The following EPS8 variants were observed in gnomAD, a reference collection of about 807,000 sequenced individuals.
EPS8 encodes epidermal growth factor receptor kinase substrate 8.
A neutral mutation model predicts 103.8 loss-of-function variants in EPS8; 42 were observed. The observed-to-expected ratio is 0.40, with a 90% confidence interval of 0.32 to 0.52. The LOEUF (loss-of-function observed/expected upper bound fraction) is 0.52, where lower values mean the gene tolerates loss of function less well. Ranked by LOEUF, EPS8 falls within the 20% of genes least tolerant of loss-of-function variation. The probability of loss-of-function intolerance (pLI) is 0.40; values close to 1 mark genes in which losing one functional copy is unlikely to be tolerated. For missense variants in EPS8, 969 were observed against 1,005.1 expected, an observed-to-expected ratio of 0.96 and a Z score of 0.49; for synonymous variants, 344 against 344.6, an observed-to-expected ratio of 1.00 and a Z score of 0.02.
intron 2 of EPS8, 122 bp downstream of exon 2, chr12:15,682,771 T>TA (rs1361304456): frequency 5.4e-5 from 33 of 616,444 alleles, no homozygotes; most frequent in Non-Finnish European, 1.7e-5. Flanking sequence ...TATTACATAT[T>TA]AATGAGGAAT....
chr12:15,668,395 A>T (rs1945754399), intron 6 of EPS8, among the ~76,000 whole-genome samples: 1 of 152,240 alleles, frequency 6.6e-6, no homozygotes, highest in Non-Finnish European at 1.5e-5. Flanking sequence ...ATAAAATTAC[A>T]TGGATATTTT....
chr12:15,625,601 C>T (rs933682567), intron 18 of EPS8, among the ~76,000 whole-genome samples: 1 of 152,164 alleles, frequency 6.6e-6, no homozygotes, highest in African/African-American at 2.4e-5. Flanking sequence ...CAATTCTTTC[C>T]CAGCTACTAT....
Position 15,690,623 on chromosome 12 carries a change from G to T in EPS8, c.-21-7651C>A, listed in dbSNP as rs1946158647. 6.6e-6 allele frequency among the ~76,000 whole-genome samples: 1 copy of T among 152,088 alleles called. No individual in the cohort carries two copies. The highest frequency in any genetic ancestry group is 1.5e-5 in the Non-Finnish European group (1 of 68,020). The stretch of plus-strand genomic sequence containing the variant: ...TAATACATGGTTTTACAGATCCAAT[G>T]GCCAGCAGAATGATTATATGGGGGA... On this transcript the variant is annotated intron_variant, in intron 1 of 20. Transcript: ENST00000281172. This position sits in a 1 kb window ranked among gnomAD's most constrained non-coding sequence, Gnocchi z 4.7.
intron 3 of EPS8, among the ~76,000 whole-genome samples, chr12:15,679,356 T>A (rs1054320277): frequency 6.6e-6 from 1 of 152,170 alleles, no homozygotes; most frequent in Admixed American, 6.5e-5. Flanking sequence ...CAGTCTTATT[T>A]CCCAATGCAC....
In EPS8 at chr12:15,752,168, C is replaced by T. The variant is rs534821589; in HGVS notation, c.-22+36993G>A. On this transcript the variant is annotated intron_variant, in intron 1 of 20. Coordinates refer to ENST00000281172, the MANE Select transcript of EPS8 (RefSeq NM_004447.6). The surrounding 1 kb of genome is among the most constrained non-coding windows in gnomAD (Gnocchi z 4.4). ...TTAGAGCTATTAAAATTCCCCTAGG[C>T]CGGGCGTGGTGGCTCACGCCTGTAA... 6.6e-6 allele frequency among the ~76,000 whole-genome samples: 1 copy of T among 152,264 alleles called. No homozygotes were observed. Among genetic ancestry groups the T allele is most frequent in the African/African-American group, 2.4e-5 (1 of 41,564 alleles).
At chr12:15,623,518 A>G (rs575281704) in intron 19 of EPS8, among the ~76,000 whole-genome samples, 13 of 152,178 alleles carry the variant, frequency 8.5e-5, no homozygotes, top group African/African-American at 3.1e-4. Context: ...AAATGAGCCA[A>G]TTCGGTTTAG....
rs556607712 is a variant in EPS8, at chr12:15,735,019, C to T, written c.-21-52047G>A. On this transcript the variant is annotated intron_variant, in intron 1 of 20. Coordinates refer to ENST00000281172, the MANE Select transcript of EPS8 (RefSeq NM_004447.6). The surrounding 1 kb of genome is among the most constrained non-coding windows in gnomAD (Gnocchi z 4.4). Reference sequence around the variant, plus strand: ...CAGCCCAGGTATTGACAGGGAGCTCCGAATGCCTAGCCTGGAACCCTCACC... The same window carrying T: ...CAGCCCAGGTATTGACAGGGAGCTCTGAATGCCTAGCCTGGAACCCTCACC... 7.2e-5 allele frequency among the ~76,000 whole-genome samples: 11 copies of T among 152,018 alleles called. No individual in the cohort carries two copies. In the East Asian group the frequency reaches 1.7e-3, roughly 24 times the overall value.
At position 15,690,459 on chromosome 12, in the gene EPS8, A is replaced by G. The variant is rs1451125155; in HGVS notation, c.-21-7487T>C. On this transcript the variant is annotated intron_variant, in intron 1 of 20. Coordinates refer to ENST00000281172, the MANE Select transcript of EPS8 (RefSeq NM_004447.6). This position sits in a 1 kb window ranked among gnomAD's most constrained non-coding sequence, Gnocchi z 4.7. ...ACTACTTCTCATATATTTTATTGAT[A>G]GTCACTATTTCTTATCTCAACTTCC... is the stretch of plus-strand genomic sequence containing the variant. Among the ~76,000 whole-genome samples, 2 of 152,178 alleles carry G rather than the reference A, an allele frequency of 1.3e-5. No homozygotes were observed. The highest frequency in any genetic ancestry group is 3.8e-4 in the East Asian group (2 of 5,196).
intron 3 of EPS8, among the ~76,000 whole-genome samples, chr12:15,674,723 A>G (rs1314692545): frequency 6.6e-6 from 1 of 152,192 alleles, no homozygotes; most frequent in East Asian, 1.9e-4. Flanking sequence ...TGTCTTTTTG[A>G]GTCAACTGTT....
At chr12:15,643,968 C>T (rs555474912) in intron 15 of EPS8, among the ~76,000 whole-genome samples, 6 of 152,144 alleles carry the variant, frequency 3.9e-5, no homozygotes, top group Non-Finnish European at 7.4e-5. Context: ...AAATGTTCTA[C>T]CTAATGGCAT....
rs1194844206 is a variant in EPS8, at chr12:15,781,126, A to G, written c.-22+8035T>C. 6.6e-6 allele frequency among the ~76,000 whole-genome samples: 1 copy of G among 152,204 alleles called. No homozygotes were observed. Among genetic ancestry groups the G allele is most frequent in the African/African-American group, 2.4e-5 (1 of 41,454 alleles). On this transcript the variant is annotated intron_variant, in intron 1 of 20. Transcript: ENST00000281172. This position sits in a 1 kb window ranked among gnomAD's most constrained non-coding sequence, Gnocchi z 4.1. ...ATTCCCCACAAATGTTTCTTTTTAA[A>G]AGATCCTCATTCTTTAAAACAACCG...
intron 5 of EPS8, 25 bp downstream of exon 5, chr12:15,669,639 A>G (rs199543262): frequency 6.4e-7 from 1 of 1,567,576 alleles, no homozygotes; most frequent in South Asian, 1.2e-5. Context: ...TTGAAAATAA[A>G]ATAGTATAAA....
rs1946033944 is a variant in EPS8, at chr12:15,682,919, A to C, written c.33T>G (p.Ser11Arg). 1 of 1,584,864 alleles carries C rather than the reference A, an allele frequency of 6.3e-7. No homozygotes were observed. The highest frequency in any genetic ancestry group is 8.6e-7 in the Non-Finnish European group (1 of 1,162,230). MNGHISNHPS[S>R]FGMYPSQMNG... ...TCATCTGAGATGGGTACATTCCAAAACTACTGGGATGATTAGAAATATGAC... is the reference window on the plus strand; with the variant it reads ...TCATCTGAGATGGGTACATTCCAAACCTACTGGGATGATTAGAAATATGAC... Residue 11 changes from serine (S) to arginine (R), a missense_variant, in exon 2 of 21, where the codon AGT (serine) becomes AGG (arginine). Ser to Arg is a moderately radical substitution (Grantham distance 110, BLOSUM62 -1). Transcript: ENST00000281172.
chr12:15,753,580 T>C (rs539151287), intron 1 of EPS8, among the ~76,000 whole-genome samples: 1 of 152,374 alleles, frequency 6.6e-6, no homozygotes, highest in African/African-American at 2.4e-5. Flanking sequence ...TGGATGCTCA[T>C]TTCCATCTTA....
intron 12 of EPS8, among the ~76,000 whole-genome samples, chr12:15,655,456 C>T (rs1945491052): frequency 6.6e-6 from 1 of 152,162 alleles, no homozygotes; most frequent in East Asian, 1.9e-4. Flanking sequence ...TGGACTAAGA[C>T]TTATCTGACT....
Position 15,780,948 on chromosome 12 carries a change from G to A in EPS8, c.-22+8213C>T, listed in dbSNP as rs570558245. On this transcript the variant is annotated intron_variant, in intron 1 of 20. Transcript: ENST00000281172. This position sits in a 1 kb window ranked among gnomAD's most constrained non-coding sequence, Gnocchi z 4.1. The stretch of plus-strand genomic sequence containing the variant: ...CATTCAGCAAGCCTTTTGTGAGTGT[G>A]TCATATGGCTGACACATATGGTCAT... 1.3e-5 allele frequency among the ~76,000 whole-genome samples: 2 copies of A among 152,326 alleles called. No individual in the cohort carries two copies. Among genetic ancestry groups the A allele is most frequent in the African/African-American group, 4.8e-5 (2 of 41,570 alleles).
intron 15 of EPS8, among the ~76,000 whole-genome samples, chr12:15,642,479 C>T (rs1241082470): frequency 6.6e-6 from 1 of 151,880 alleles, no homozygotes; most frequent in Non-Finnish European, 1.5e-5. Context: ...AATAAAACTT[C>T]CTTAAAAAAC....
At position 15,774,042 on chromosome 12, in the gene EPS8, T is replaced by C. The variant is rs79602546; in HGVS notation, c.-22+15119A>G. On this transcript the variant is annotated intron_variant, in intron 1 of 20. Coordinates refer to ENST00000281172, the MANE Select transcript of EPS8 (RefSeq NM_004447.6). ...GTCACCAGAAGTGTACAAACTAATTTACTGCAGAAAAGCAGGAAAATAATT... is the reference window on the plus strand; with the variant it reads ...GTCACCAGAAGTGTACAAACTAATTCACTGCAGAAAAGCAGGAAAATAATT... 8.6e-4 allele frequency among the ~76,000 whole-genome samples: 131 copies of C among 152,206 alleles called. 2 individuals are homozygous for C. The East Asian group carries it at 0.024, about 27-fold the overall frequency.
In EPS8 at chr12:15,745,391, A is replaced by C. The variant is rs1046531278; in HGVS notation, c.-22+43770T>G. Among the ~76,000 whole-genome samples, 3 of 152,022 alleles carry C rather than the reference A, an allele frequency of 2.0e-5. No homozygotes were observed. Among genetic ancestry groups the C allele is most frequent in the Admixed American group, 6.6e-5 (1 of 15,254 alleles). Reference sequence around the variant, plus strand: ...AAAAACATCAATAATTTATCATTACACTCTTTAATGCCAAGCTGAACCCAA... The same window carrying C: ...AAAAACATCAATAATTTATCATTACCCTCTTTAATGCCAAGCTGAACCCAA... On this transcript the variant is annotated intron_variant, in intron 1 of 20. Coordinates refer to ENST00000281172, the MANE Select transcript of EPS8 (RefSeq NM_004447.6). This position sits in a 1 kb window ranked among gnomAD's most constrained non-coding sequence, Gnocchi z 4.6.
Sources: gnomAD v4.1 joint callset for allele counts (sites outside exome capture counted in the v4.1 genomes callset) on GRCh38, gnomAD v4.1.1 for gene constraint, Gnocchi (gnomAD v3.1) non-coding constraint, MANE v1.5 for transcripts, NCBI Gene and HGNC (gene_info 2026-07-23, HGNC 2026-07-21) for gene names.